Variants in KLHL3 observed in about 807,000 individuals in gnomAD.
KLHL3 encodes the protein kelch-like protein 3.
KLHL3 carries 19 observed loss-of-function variants against 70.5 expected under a neutral mutation model. The ratio of observed to expected loss-of-function variants is 0.27; its 90% confidence interval spans 0.19 to 0.40. The LOEUF (loss-of-function observed/expected upper bound fraction) is 0.40, where lower values mean the gene tolerates loss of function less well. Ranked by LOEUF, KLHL3 falls within the 10% of genes least tolerant of loss-of-function variation. KLHL3 has a pLI of 1.00. For missense variants in KLHL3, 512 were observed against 771.1 expected (o/e 0.66, Z 3.98); for synonymous variants, 258 against 290.3 (o/e 0.89, Z 1.13).
At chr5:137,658,675 G>A (rs1381984969) in intron 7 of KLHL3, among the ~76,000 whole-genome samples, 2 of 152,192 alleles carry the variant, frequency 1.3e-5, no homozygotes, top group East Asian at 3.8e-4. Context: ...ATAATGCTTA[G>A]GGCAAACAGA....
chr5:137,685,174 A>G (rs1241167141), intron 5 of KLHL3, among the ~76,000 whole-genome samples: 1 of 152,230 alleles, frequency 6.6e-6, no homozygotes, highest in Non-Finnish European at 1.5e-5. Context: ...ATTCTCTTTG[A>G]TCCAACAACT....
intron 1 of KLHL3, among the ~76,000 whole-genome samples, chr5:137,724,237 C>T (rs1228364521): frequency 6.6e-6 from 1 of 152,152 alleles, no homozygotes; most frequent in African/African-American, 2.4e-5. Flanking sequence ...ATCAGGAAAC[C>T]ACTGAAGGTT....
At chr5:137,688,945 G>T (rs1349590378) in intron 5 of KLHL3, among the ~76,000 whole-genome samples, 2 of 152,226 alleles carry the variant, frequency 1.3e-5, no homozygotes, top group East Asian at 3.8e-4. Context: ...GCACCAGAAA[G>T]ATGGATGTGT....
chr5:137,634,294 G>GACC, intron 11 of KLHL3, 129 bp from the exon 12 acceptor site: 1 of 1,000,988 alleles, frequency 1.0e-6, no homozygotes, highest in Non-Finnish European at 1.4e-6. Flanking sequence ...TTCTCCAGGG[G>GACC]ACCACCAACT....
intron 1 of KLHL3, among the ~76,000 whole-genome samples, chr5:137,733,573 G>A (rs1753213895): frequency 6.6e-6 from 1 of 152,188 alleles, no homozygotes; most frequent in Admixed American, 6.5e-5. Context: ...CCAACTATGA[G>A]ATACAAACCA....
chr5:137,629,808 T>C (rs959438142), intron 12 of KLHL3: 1 of 152,244 alleles, frequency 6.6e-6, no homozygotes, highest in Non-Finnish European at 1.5e-5. Context: ...GTTCCAAAGC[T>C]GCCTCACCTT....
At chr5:137,725,891 C>T (rs1477181217) in intron 1 of KLHL3, among the ~76,000 whole-genome samples, 1 of 152,168 alleles carries the variant, frequency 6.6e-6, no homozygotes, top group Non-Finnish European at 1.5e-5. Flanking sequence ...TCACAGATAC[C>T]CACTGACCCC....
rs963186721 is a variant in KLHL3 at position 137,713,876 on chromosome 5, A to AT, written c.135-4021dup. On this transcript the variant is annotated intron_variant, in intron 2 of 14. Coordinates refer to ENST00000309755, the MANE Select transcript of KLHL3 (RefSeq NM_017415.3). ...TAACCTAATTAAAAATGAACAAGAGATTTTTTTTATTATTATACATTAAGT... is the reference window on the plus strand; with the variant it reads ...TAACCTAATTAAAAATGAACAAGAGATTTTTTTTTATTATTATACATTAAGT... Among the ~76,000 whole-genome samples, 54 of 151,932 alleles carry AT rather than the reference A, an allele frequency of 3.6e-4. 1 individual carries two copies. Among genetic ancestry groups the AT allele is most frequent in the Admixed American group, 1.5e-3 (23 of 15,234 alleles).
At chr5:137,664,380 C>T (rs1052216247) in intron 6 of KLHL3, among the ~76,000 whole-genome samples, 1 of 151,526 alleles carries the variant, frequency 6.6e-6, no homozygotes, top group African/African-American at 2.4e-5. Context: ...ATAATTCATG[C>T]GCCCATATGG....
chr5:137,636,940 TACTAC>T (rs942190445), intron 11 of KLHL3, among the ~76,000 whole-genome samples: 8 of 152,232 alleles, frequency 5.3e-5, no homozygotes, highest in African/African-American at 1.9e-4. Context: ...ACTCTCACTC[TACTAC>T]ATTATCCTCC....
At chr5:137,703,254 T>TC (rs1205927845) in intron 3 of KLHL3, among the ~76,000 whole-genome samples, 1 of 152,204 alleles carries the variant, frequency 6.6e-6, no homozygotes, top group African/African-American at 2.4e-5. Flanking sequence ...TAATTTAGTC[T>TC]CATGTTCTGG....
intron 8 of KLHL3, among the ~76,000 whole-genome samples, chr5:137,643,066 G>A (rs532087582): frequency 3.7e-4 from 57 of 152,126 alleles, no homozygotes; most frequent in South Asian, 1.2e-3. Context: ...AATGATACAC[G>A]ACAGCTAGGT....
rs1386844922 is a variant in KLHL3, at chr5:137,733,782, G to T, written c.14+1851C>A. Among the ~76,000 whole-genome samples the T allele has an allele frequency of 1.1e-4, 17 of 152,204 alleles. 1 individual carries two copies. The highest frequency in any genetic ancestry group is 1.1e-3 in the Admixed American group (17 of 15,288). ...GTATAGGATGGGTGATCATGAAAGA[G>T]ATCAACAGAATTCTCAGTAGGTATA... On this transcript the variant is annotated intron_variant, in intron 1 of 14. Coordinates refer to ENST00000309755, the MANE Select transcript of KLHL3 (RefSeq NM_017415.3).
chr5:137,703,412 C>T (rs183386201), intron 3 of KLHL3, among the ~76,000 whole-genome samples: 2 of 152,200 alleles, frequency 1.3e-5, no homozygotes, highest in Non-Finnish European at 2.9e-5. Flanking sequence ...AGCACTAAGG[C>T]CAAAGACATT....
intron 13 of KLHL3, 91 bp from the exon 14 acceptor site, chr5:137,625,987 G>A (rs947666089): frequency 6.6e-7 from 1 of 1,512,236 alleles, no homozygotes; most frequent in Admixed American, 1.8e-5. Flanking sequence ...TAGCCTGGGA[G>A]GCTCTTTTCC....
intron 2 of KLHL3, among the ~76,000 whole-genome samples, chr5:137,715,106 C>T (rs1206129395): frequency 6.6e-6 from 1 of 152,194 alleles, no homozygotes; most frequent in African/African-American, 2.4e-5. Context: ...AGAGCTCTGC[C>T]ATCCAGAAGC....
intron 5 of KLHL3, among the ~76,000 whole-genome samples, chr5:137,690,351 AG>A (rs1752289411): frequency 6.6e-6 from 1 of 151,838 alleles, no homozygotes; most frequent in African/African-American, 2.4e-5. Context: ...AAATCTGCAG[AG>A]AAAATGCTTG....
chr5:137,687,224 G>A (rs1459768374), intron 5 of KLHL3, among the ~76,000 whole-genome samples: 1 of 41,976 alleles, frequency 2.4e-5, no homozygotes, highest in Non-Finnish European at 4.6e-5. Flanking sequence ...TGCCCGGCCA[G>A]CCGCCCCGTC....
At chr5:137,704,314 A>G (rs1209910020) in intron 3 of KLHL3, among the ~76,000 whole-genome samples, 3 of 152,042 alleles carry the variant, frequency 2.0e-5, no homozygotes, top group East Asian at 1.9e-4. Context: ...GAACCCGGGA[A>G]GCGGAGCTTG....
Sources: gnomAD v4.1 joint callset for allele counts (sites outside exome capture counted in the v4.1 genomes callset) on GRCh38, gnomAD v4.1.1 for gene constraint, MANE v1.5 for transcripts, NCBI Gene and HGNC (gene_info 2026-07-23, HGNC 2026-07-21) for gene names.